Variants in NECAB3 observed in about 807,000 individuals in gnomAD.
NECAB3 encodes N-terminal EF-hand calcium binding protein 3.
Under a neutral mutation model 57.2 loss-of-function variants are expected in NECAB3, and 38 were observed. That is an observed-to-expected ratio of 0.66 (90% CI 0.51 to 0.87). NECAB3 has a LOEUF of 0.87. NECAB3 is among the 40% of genes least tolerant of loss of function. The pLI is 0.00. For missense variants in NECAB3, 474 were observed against 527.5 expected, an observed-to-expected ratio of 0.90 and a Z score of 0.99; for synonymous variants, 223 against 222.6, an observed-to-expected ratio of 1.00 and a Z score of -0.02.
At chr20:33,658,322 C>T (rs1200450668) in intron 10 of NECAB3, among the ~76,000 whole-genome samples, 155 bp downstream of exon 10, 1 of 152,156 alleles carries the variant, frequency 6.6e-6, no homozygotes, top group Non-Finnish European at 1.5e-5. Context: ...GAACTGTTAT[C>T]ACTTCCATTT....
rs1023946305 is a variant in NECAB3 at position 33,674,370 on chromosome 20, G to A, written c.-18C>T. 26 of 1,168,142 alleles carry A rather than the reference G, an allele frequency of 2.2e-5. No individual in the cohort carries two copies. The highest frequency in any genetic ancestry group is 2.5e-5 in the Non-Finnish European group (24 of 947,086). The allele number at this position is 1,168,142 out of a possible 1,614,324, so 72.4% of individuals were successfully genotyped here. On this transcript the variant is annotated 5_prime_UTR_variant, in exon 1 of 12. Coordinates refer to ENST00000246190, the MANE Select transcript of NECAB3 (RefSeq NM_031232.4). ...CACGCCATGGCGCCGCCACCCGCTC[G>A]GGCTCGGCTGCGGTTGCTGCCGACC...
At chr20:33,664,126 C>T (rs924040797) in intron 5 of NECAB3, 1 of 446,614 alleles carries the variant, frequency 2.2e-6, no homozygotes, top group Non-Finnish European at 3.9e-6. Flanking sequence ...GTTTCCTTCC[C>T]CCAACACTCC....
chr20:33,669,462 T>C lies in NECAB3; in HGVS notation c.300A>G (p.Ser100=), dbSNP rs376598047. 2.1e-5 allele frequency: 34 copies of C among 1,613,524 alleles called. No homozygotes were observed. Among genetic ancestry groups the C allele is most frequent in the Non-Finnish European group, 2.6e-5 (31 of 1,180,012 alleles). The change falls in exon 5 of 12, where the codon TCA becomes TCG. Residue 100 remains serine, a synonymous_variant. Coordinates refer to ENST00000246190, the MANE Select transcript of NECAB3 (RefSeq NM_031232.4). ...LETEKLCDYF[S]EHLGVYRPVL... ...CCGGCCGGTAGACACCCAGGTGCTC[T>C]GAGAAGTAGTCTGCAGGCAGAAGAG...
intron 5 of NECAB3, chr20:33,662,721 C>G (rs1305457058): frequency 4.3e-6 from 2 of 461,206 alleles, no homozygotes; most frequent in Non-Finnish European, 7.8e-6. Context: ...GGGTGGATAA[C>G]TTCAGCCCAG....
chr20:33,661,720 G>C (rs913819150), intron 5 of NECAB3, among the ~76,000 whole-genome samples: 8 of 152,158 alleles, frequency 5.3e-5, no homozygotes, highest in Admixed American at 2.0e-4. Flanking sequence ...GCATGATCTT[G>C]GCTCACCGCA....
rs1444024874 is a variant in NECAB3 at position 33,663,499 on chromosome 20, C to G, written c.388-3104G>C. 4 of 1,591,040 alleles carry G rather than the reference C, an allele frequency of 2.5e-6. No homozygotes were observed. The African/African-American group carries it at 5.5e-5, about 22-fold the overall frequency. On this transcript the variant is annotated intron_variant, in intron 5 of 11. Coordinates refer to ENST00000246190, the MANE Select transcript of NECAB3 (RefSeq NM_031232.4). ...GGGTCGTGGGCTCGGCCCTAGCGCG[C>G]TCTCCCGCCTCACGCCCCTGTTCCA...
At chr20:33,659,444 A>G (rs1311519956) in intron 8 of NECAB3, 53 bp downstream of exon 8, 3 of 1,403,940 alleles carry the variant, frequency 2.1e-6, no homozygotes, top group Non-Finnish European at 2.8e-6. Context: ...TCCCCAATTC[A>G]TGAGCACCCC....
intron 5 of NECAB3, chr20:33,668,064 G>A (rs1272714694): frequency 6.4e-7 from 1 of 1,570,786 alleles, no homozygotes; most frequent in Admixed American, 1.9e-5. Context: ...AGTGCCGGCG[G>A]CACGGCTACG....
At chr20:33,667,965 G>A in intron 5 of NECAB3, 1 of 1,550,670 alleles carries the variant, frequency 6.4e-7, no homozygotes, top group South Asian at 1.2e-5. Context: ...AAACGCTGCG[G>A]ACACGCCTGG....
chr20:33,670,668 C>T lies in NECAB3; in HGVS notation c.263+16G>A, dbSNP rs755248308. On this transcript the variant is annotated intron_variant, in intron 3 of 11. Coordinates refer to ENST00000246190, the MANE Select transcript of NECAB3 (RefSeq NM_031232.4). ...ACCTGGCCTCGCATCTACCCACGGC[C>T]CCCTCTCATACTCACTCGGTGAGAT... is the stretch of plus-strand genomic sequence containing the variant. The T allele has an allele frequency of 1.3e-6, 2 of 1,584,808 alleles. No individual in the cohort carries two copies. The highest frequency in any genetic ancestry group is 1.3e-5 in the African/African-American group (1 of 74,152).
In NECAB3 at chr20:33,674,284, G is replaced by C; in HGVS notation, c.69C>G (p.Thr23=). 2 of 1,228,004 alleles carry C rather than the reference G, an allele frequency of 1.6e-6. No homozygotes were observed. The highest frequency in any genetic ancestry group is 2.0e-6 in the Non-Finnish European group (2 of 984,746). 76.1% of individuals were successfully genotyped at this position (1,228,004 alleles called of 1,614,324 possible). A position where few individuals can be genotyped will look rare whatever the true frequency, so the allele number is the denominator to read the frequency against. ...CGGGCGCGAGCTGGGGGTGCCGCGG[G>C]GTCTGGGGCTGGGGCTGGGGCGCGG... is the stretch of plus-strand genomic sequence containing the variant. The part of the protein sequence containing the change: ...RPPAPQPQPQ[T]PRHPQLAPDP... Residue 23 remains threonine (T), a synonymous_variant, in exon 1 of 12, where the codon ACC becomes ACG. Coordinates refer to ENST00000246190, the MANE Select transcript of NECAB3 (RefSeq NM_031232.4).
chr20:33,663,770 T>C (rs1410614958), intron 5 of NECAB3: 2 of 1,423,338 alleles, frequency 1.4e-6, no homozygotes, highest in Non-Finnish European at 1.8e-6. Flanking sequence ...CCGCGGCTGC[T>C]CTCGCGCTTC....
chr20:33,662,546 G>A, intron 5 of NECAB3: 1 of 1,489,024 alleles, frequency 6.7e-7, no homozygotes, highest in Non-Finnish European at 9.1e-7. Context: ...TGGGTGGGAA[G>A]GGATGCTGGG....
At chr20:33,669,832 T>C in intron 3 of NECAB3, 120 bp from the exon 4 acceptor site, 1 of 1,082,788 alleles carries the variant, frequency 9.2e-7, no homozygotes, top group Non-Finnish European at 1.3e-6. Flanking sequence ...CCACTTCTGC[T>C]CCACCCCAGA....
In NECAB3 at chr20:33,660,015, G is replaced by A. The variant is rs539596989; in HGVS notation, c.525-12C>T. On this transcript the variant is annotated splice_polypyrimidine_tract_variant and intron_variant, in intron 6 of 11. Transcript: ENST00000246190. The surrounding 1 kb of genome is among the most constrained non-coding windows in gnomAD (Gnocchi z 4.1). ...TCTCTGCATCTGACCTAGAGGAAGT[G>A]AGGCTCACAGGGCCGAGGACTGGGG... The A allele has an allele frequency of 3.0e-5, 47 of 1,573,516 alleles. No individual in the cohort carries two copies. In the African/African-American group the frequency reaches 4.2e-4, roughly 14 times the overall value.
Position 33,660,538 on chromosome 20 carries a change from G to A in NECAB3, c.388-143C>T. The A allele has an allele frequency of 9.0e-7, 1 of 1,108,840 alleles. No homozygotes were observed. The highest frequency in any genetic ancestry group is 1.3e-6 in the Non-Finnish European group (1 of 787,076). The allele number at this position is 1,108,840 out of a possible 1,614,324, so 68.7% of individuals were successfully genotyped here. A position where few individuals can be genotyped will look rare whatever the true frequency, so the allele number is the denominator to read the frequency against. On this transcript the variant is annotated intron_variant, in intron 5 of 11. Transcript: ENST00000246190. This position sits in a 1 kb window ranked among gnomAD's most constrained non-coding sequence, Gnocchi z 4.1. ...AACCTGGCACAGGCAGGAGGGTACT[G>A]AGACCTGATGGGCAGGGAGGGTCTG...
At chr20:33,663,936 G>T (rs2017577479) in intron 5 of NECAB3, 1 of 1,307,128 alleles carries the variant, frequency 7.7e-7, no homozygotes, top group Admixed American at 3.9e-5. Flanking sequence ...CCTGTCGGAG[G>T]CGTCTGGGCG....
In NECAB3 at chr20:33,669,355, C is replaced by A. The variant is rs750010469; in HGVS notation, c.387+20G>T. The A allele has an allele frequency of 1.9e-6, 3 of 1,611,444 alleles. No individual in the cohort carries two copies. Among genetic ancestry groups the A allele is most frequent in the South Asian group, 1.1e-5 (1 of 91,040 alleles). On this transcript the variant is annotated intron_variant, in intron 5 of 11. Coordinates refer to ENST00000246190, the MANE Select transcript of NECAB3 (RefSeq NM_031232.4). ...CCACTGCCTCACAGTGGATCCCCCA[C>A]CATCAGCCACTCCACTCACCAGCTT...
rs2017446532 is a variant in NECAB3 at position 33,660,753 on chromosome 20, G to C, written c.388-358C>G. ...TAGGCTGGGTGGGGGCTATCACGAG[G>C]TATCCAAGGGCCAATGTTGACACAA... On this transcript the variant is annotated intron_variant, in intron 5 of 11. Transcript: ENST00000246190. This position sits in a 1 kb window ranked among gnomAD's most constrained non-coding sequence, Gnocchi z 4.1. 6.6e-6 allele frequency among the ~76,000 whole-genome samples: 1 copy of C among 152,238 alleles called. No individual in the cohort carries two copies. The highest frequency in any genetic ancestry group is 1.5e-5 in the Non-Finnish European group (1 of 68,034).
Sources: gnomAD v4.1 joint callset for allele counts (sites outside exome capture counted in the v4.1 genomes callset) on GRCh38, gnomAD v4.1.1 for gene constraint, Gnocchi (gnomAD v3.1) non-coding constraint, MANE v1.5 for transcripts, NCBI Gene and HGNC (gene_info 2026-07-23, HGNC 2026-07-21) for gene names.